The following RARS1 variants were observed in gnomAD, a reference collection of about 807,000 sequenced individuals.
RARS1 encodes the protein arginine--tRNA ligase, cytoplasmic.
In RARS1, 75 loss-of-function variants were observed where a neutral mutation model predicts 78.7. The observed-to-expected ratio is 0.95, with a 90% CI of 0.79 to 1.15. The LOEUF (loss-of-function observed/expected upper bound fraction) is 1.15. Among genes scored for constraint, RARS1 ranks in the 50% most tolerant of loss-of-function variants. The probability of loss-of-function intolerance (pLI) is 0.00; values close to 1 mark genes in which losing one functional copy is unlikely to be tolerated. For missense variants in RARS1, 787 were observed against 787.5 expected (o/e 1.00, Z 0.01); for synonymous variants, 273 against 268.2 (o/e 1.02, Z -0.18).
intron 2 of RARS1, among the ~76,000 whole-genome samples, chr5:168,490,993 C>CA (rs1423741105): frequency 6.6e-6 from 1 of 152,010 alleles, no homozygotes; most frequent in African/African-American, 2.4e-5. Flanking sequence ...AAAAATTAGC[C>CA]AGGGATGGTG....
intron 2 of RARS1, among the ~76,000 whole-genome samples, chr5:168,491,769 A>C (rs568539736): frequency 1.3e-5 from 2 of 152,354 alleles, no homozygotes; most frequent in African/African-American, 4.8e-5. Flanking sequence ...AAATCTTTGC[A>C]TACTCAAGTA....
intron 12 of RARS1, among the ~76,000 whole-genome samples, chr5:168,512,226 T>C (rs1758576857): frequency 6.6e-6 from 1 of 152,166 alleles, no homozygotes; most frequent in Non-Finnish European, 1.5e-5. Flanking sequence ...CATTCTCCTA[T>C]TGATGGACAT....
chr5:168,491,700 A>G (rs1012823174), intron 2 of RARS1, among the ~76,000 whole-genome samples: 2 of 152,226 alleles, frequency 1.3e-5, no homozygotes, highest in Admixed American at 1.3e-4. Context: ...AATAGTAACA[A>G]GCTCGATTTT....
intron 1 of RARS1, among the ~76,000 whole-genome samples, chr5:168,487,429 A>G (rs1366673192): frequency 6.6e-6 from 1 of 151,844 alleles, no homozygotes; most frequent in Non-Finnish European, 1.5e-5. Context: ...GTGGGGAGGG[A>G]TGGTAGGAAG....
At position 168,516,850 on chromosome 5, in the gene RARS1, TC is replaced by T; in HGVS notation, c.1528del (p.His510IlefsTer4). 6.2e-7 allele frequency: 1 copy of T among 1,614,142 alleles called. No individual in the cohort carries two copies. The highest frequency in any genetic ancestry group is 8.5e-7 in the Non-Finnish European group (1 of 1,179,996). ...TGGCTGCATCAAATATGCTGACCTT[TC>T]CCATAACCGGTTGAATGACTACATC... ...AYGCIKYADL[S>X]HNRLNDYIFS... On this transcript the variant is annotated frameshift_variant, in exon 13 of 15. Coordinates refer to ENST00000231572, the MANE Select transcript of RARS1 (RefSeq NM_002887.4). LOFTEE classifies it high-confidence loss of function.
intron 6 of RARS1, among the ~76,000 whole-genome samples, chr5:168,496,370 C>T (rs1450687023): frequency 4.6e-5 from 5 of 107,944 alleles, no homozygotes; most frequent in Admixed American, 2.1e-4. Context: ...CAGAGCAAGA[C>T]TCTCTGTCAA....
At chr5:168,517,592 A>G (rs1582444423) in intron 13 of RARS1, among the ~76,000 whole-genome samples, 2 of 152,200 alleles carry the variant, frequency 1.3e-5, no homozygotes, top group Non-Finnish European at 2.9e-5. Context: ...TTAAATACCT[A>G]GAAAGTGTCA....
chr5:168,504,210 C>T (rs1269986032), intron 9 of RARS1, among the ~76,000 whole-genome samples: 4 of 151,766 alleles, frequency 2.6e-5, no homozygotes, highest in Admixed American at 1.3e-4. Context: ...TGTGTGAGAC[C>T]CTGTCTCTAC....
intron 2 of RARS1, among the ~76,000 whole-genome samples, chr5:168,490,515 ACTGT>A (rs1410374921): frequency 6.6e-6 from 1 of 152,154 alleles, no homozygotes; most frequent in African/African-American, 2.4e-5. Flanking sequence ...GAATGCTCTC[ACTGT>A]ATTGTGGGAG....
chr5:168,516,651 T>A, intron 12 of RARS1, 127 bp from the exon 13 acceptor site: 1 of 843,794 alleles, frequency 1.2e-6, no homozygotes, highest in Non-Finnish European at 1.8e-6. Flanking sequence ...TCAGTGTCAG[T>A]GTTTATTAAA....
rs36015007 is a variant in RARS1, at chr5:168,500,200, C to CAAA, written c.823-371_823-369dup. Among the ~76,000 whole-genome samples, 264 of 47,092 alleles carry CAAA rather than the reference C, an allele frequency of 5.6e-3. 1 individual carries two copies. The highest frequency in any genetic ancestry group is 0.012 in the Middle Eastern group (1 of 82). The allele number at this position is 47,092 out of a possible 152,430, so 30.9% of individuals were successfully genotyped here. Reference sequence around the variant, plus strand: ...TGGGAGACAGAGTGAGACTCTGTCTCAAAAAAAAAAAAAAAAAAAAAACGA... The same window carrying CAAA: ...TGGGAGACAGAGTGAGACTCTGTCTCAAAAAAAAAAAAAAAAAAAAAAAAACGA... On this transcript the variant is annotated intron_variant, in intron 7 of 14. Transcript: ENST00000231572.
At chr5:168,507,342 T>C (rs1758468878) in intron 11 of RARS1, among the ~76,000 whole-genome samples, 1 of 152,204 alleles carries the variant, frequency 6.6e-6, no homozygotes. Context: ...TATTTTCTAA[T>C]TTTTTTATAT....
chr5:168,492,120 T>C (rs1167753589), intron 2 of RARS1, among the ~76,000 whole-genome samples: 1 of 152,144 alleles, frequency 6.6e-6, no homozygotes, highest in East Asian at 1.9e-4. Flanking sequence ...GATAATTATA[T>C]GCCATCTTAA....
intron 7 of RARS1, among the ~76,000 whole-genome samples, chr5:168,499,838 G>C (rs935208852): frequency 2.6e-5 from 4 of 152,096 alleles, no homozygotes; most frequent in African/African-American, 9.7e-5. Context: ...AGTAAGTGTT[G>C]CTTTCAAAAT....
intron 12 of RARS1, among the ~76,000 whole-genome samples, chr5:168,513,890 G>A (rs7704557): frequency 0.17 from 26,336 of 151,992 alleles, 2,801 homozygotes; most frequent in Admixed American, 0.3. Context: ...AAATGTCTTT[G>A]TTATGCCTTC....
intron 11 of RARS1, among the ~76,000 whole-genome samples, chr5:168,508,552 G>A (rs1332648431): frequency 1.3e-5 from 2 of 148,700 alleles, no homozygotes; most frequent in Non-Finnish European, 3.0e-5. Flanking sequence ...CCCGGGAGGC[G>A]GAGCTTGCAG....
chr5:168,493,653 A>AC (rs1451600242), intron 3 of RARS1, among the ~76,000 whole-genome samples: 11 of 151,724 alleles, frequency 7.3e-5, no homozygotes, highest in African/African-American at 2.4e-4. Flanking sequence ...AAAAAAAAAA[A>AC]ATAGTTCCAG....
Position 168,494,651 on chromosome 5 carries a change from G to T in RARS1, c.579+1G>T, listed in dbSNP as rs1353483378. The T allele has an allele frequency of 1.3e-6, 2 of 1,544,400 alleles. No individual in the cohort carries two copies. Among genetic ancestry groups the T allele is most frequent in the Non-Finnish European group, 1.8e-6 (2 of 1,117,206 alleles). On this transcript the variant is annotated splice_donor_variant, in intron 5 of 14. Transcript: ENST00000231572. LOFTEE classifies it high-confidence loss of function. ...ACCTGCTCTGGGAGAGAATAAAAAG[G>T]TATATGTACACTCTTCTATTAATAT... is the stretch of plus-strand genomic sequence containing the variant.
Position 168,513,219 on chromosome 5 carries a change from G to T in RARS1, c.1452+2533G>T, listed in dbSNP as rs959755123. On this transcript the variant is annotated intron_variant, in intron 12 of 14. Coordinates refer to ENST00000231572, the MANE Select transcript of RARS1 (RefSeq NM_002887.4). ...CACCATCACGCCCTGCTAATTTTTT[G>T]TATTTTTTTTTTTTTTTTTTAGTAG... 5.1e-3 allele frequency among the ~76,000 whole-genome samples: 619 copies of T among 122,234 alleles called. 4 individuals carry two copies. The highest frequency in any genetic ancestry group is 0.035 in the Middle Eastern group (7 of 200). The allele number at this position is 122,234 out of a possible 152,430, so 80.2% of individuals were successfully genotyped here.
Sources: gnomAD v4.1 joint callset for allele counts (sites outside exome capture counted in the v4.1 genomes callset) on GRCh38, gnomAD v4.1.1 for gene constraint, MANE v1.5 for transcripts, NCBI Gene and HGNC (gene_info 2026-07-23, HGNC 2026-07-21) for gene names.